CASZ1: variants seen among roughly 807,000 people sequenced by gnomAD.
CASZ1 encodes the protein castor zinc finger 1.
CASZ1 carries 28 observed loss-of-function variants against 135.2 expected under a neutral mutation model. The observed-to-expected ratio is 0.21, with a 90% CI of 0.15 to 0.28. The LOEUF (loss-of-function observed/expected upper bound fraction) is 0.28. Ranked by LOEUF, CASZ1 falls within the 10% of genes least tolerant of loss-of-function variation. CASZ1 has a pLI of 1.00. For missense variants in CASZ1, 2,161 were observed against 2,453.3 expected, an observed-to-expected ratio of 0.88 and a Z score of 2.52; for synonymous variants, 1,068 against 1,073.4, an observed-to-expected ratio of 0.99 and a Z score of 0.10.
At chr1:10,772,107 G>C (rs1486226378) in intron 1 of CASZ1, among the ~76,000 whole-genome samples, 1 of 152,238 alleles carries the variant, frequency 6.6e-6, no homozygotes, top group East Asian at 1.9e-4. Context: ...AGGAGACCTG[G>C]AGAGAAAGGA....
At position 10,644,145 on chromosome 1, in the gene CASZ1, G is replaced by T. The variant is rs1642293034; in HGVS notation, c.3868+772C>A. ...GCTGCCCTGACCACCAGGCCACAAC[G>T]GGCCTTGCCTGCAGCCCAGGGGCCT... On this transcript the variant is annotated intron_variant, in intron 18 of 20. Coordinates refer to ENST00000377022, the MANE Select transcript of CASZ1 (RefSeq NM_001079843.3). Among the ~76,000 whole-genome samples, 3 of 152,202 alleles carry T rather than the reference G, an allele frequency of 2.0e-5. No individual in the cohort carries two copies. The South Asian group carries it at 6.2e-4, about 31-fold the overall frequency.
At chr1:10,689,315 C>A (rs997900219) in intron 4 of CASZ1, among the ~76,000 whole-genome samples, 1 of 152,192 alleles carries the variant, frequency 6.6e-6, no homozygotes, top group East Asian at 1.9e-4. Flanking sequence ...GAGGAGATGC[C>A]GCTGCGTGGC....
intron 4 of CASZ1, among the ~76,000 whole-genome samples, chr1:10,672,794 G>T (rs1295396043): frequency 1.3e-5 from 2 of 152,248 alleles, no homozygotes; most frequent in African/African-American, 4.8e-5. Context: ...TCCAGGATGT[G>T]TGGGTGACAT....
chr1:10,662,854 C>G (rs1643095183), intron 5 of CASZ1, among the ~76,000 whole-genome samples: 1 of 152,216 alleles, frequency 6.6e-6, no homozygotes, highest in South Asian at 2.1e-4. Flanking sequence ...AACCCCTGCC[C>G]TGGGTCTCTC....
At position 10,639,210 on chromosome 1, in the gene CASZ1, C is replaced by G; in HGVS notation, c.5012G>C (p.Gly1671Ala). 1.1e-6 allele frequency: 1 copy of G among 939,956 alleles called. No individual in the cohort carries two copies. The highest frequency in any genetic ancestry group is 1.3e-6 in the Non-Finnish European group (1 of 781,878). 58.2% of individuals were successfully genotyped at this position (939,956 alleles called of 1,614,324 possible). A position where few individuals can be genotyped will look rare whatever the true frequency, so the allele number is the denominator to read the frequency against. The change falls in exon 21 of 21, where the codon GGG (glycine) becomes GCG (alanine). Residue 1671 changes from glycine to alanine, a missense_variant. Gly to Ala is a moderately conservative substitution (Grantham distance 60). Coordinates refer to ENST00000377022, the MANE Select transcript of CASZ1 (RefSeq NM_001079843.3). This position sits in a 1 kb window ranked among gnomAD's most constrained non-coding sequence, Gnocchi z 4.0. Reference sequence around the variant, plus strand: ...CTCCTCGTCCTCCTGCGAGGACTCCCCAGCTGCGGCGGCGGCGGCGGCGGC... The same window carrying G: ...CTCCTCGTCCTCCTGCGAGGACTCCGCAGCTGCGGCGGCGGCGGCGGCGGC... The part of the protein sequence containing the change: ...EGAAAAAAAA[G>A]ESSQEDEEEE...
At chr1:10,778,093 T>A (rs969105931) in intron 1 of CASZ1, among the ~76,000 whole-genome samples, 1 of 151,384 alleles carries the variant, frequency 6.6e-6, no homozygotes, top group Non-Finnish European at 1.5e-5. Flanking sequence ...AGTCACACCA[T>A]CTCACACAAT....
chr1:10,710,853 G>T (rs903380966), intron 2 of CASZ1, among the ~76,000 whole-genome samples: 2 of 152,256 alleles, frequency 1.3e-5, no homozygotes, highest in African/African-American at 4.8e-5. Flanking sequence ...GCTTACAAAA[G>T]GCCGGGGGCA....
At chr1:10,663,579 A>G (rs1643124859) in intron 5 of CASZ1, among the ~76,000 whole-genome samples, 2 of 152,220 alleles carry the variant, frequency 1.3e-5, no homozygotes, top group African/African-American at 2.4e-5. Flanking sequence ...CCCTCGCTAT[A>G]TATGGCAGAG....
At position 10,706,172 on chromosome 1, in the gene CASZ1, C is replaced by G. The variant is rs140633862; in HGVS notation, c.-76-628G>C. The stretch of plus-strand genomic sequence containing the variant: ...GTCATCACAGCCCATGTCCAGAGAC[C>G]GTGCAGGGAGAGGGACGATGGTCAG... On this transcript the variant is annotated intron_variant, in intron 2 of 20. Coordinates refer to ENST00000377022, the MANE Select transcript of CASZ1 (RefSeq NM_001079843.3). The surrounding 1 kb of genome is among the most constrained non-coding windows in gnomAD (Gnocchi z 4.3). 1.8e-3 allele frequency among the ~76,000 whole-genome samples: 269 copies of G among 152,342 alleles called. No homozygotes were observed. Among genetic ancestry groups the G allele is most frequent in the African/African-American group, 6.3e-3 (260 of 41,582 alleles).
In CASZ1 at chr1:10,646,447, G is replaced by T; in HGVS notation, c.3498-121C>A. Reference sequence around the variant, plus strand: ...ACCAGCGGTACCACCAAGAGGGATGGCCTGGGCTGCTGTCCTGCTCAACAG... The same window carrying T: ...ACCAGCGGTACCACCAAGAGGGATGTCCTGGGCTGCTGTCCTGCTCAACAG... On this transcript the variant is annotated intron_variant, in intron 16 of 20. Transcript: ENST00000377022. The surrounding 1 kb of genome is among the most constrained non-coding windows in gnomAD (Gnocchi z 6.4). The T allele has an allele frequency of 1.1e-6, 1 of 877,638 alleles. No individual in the cohort carries two copies. Among genetic ancestry groups the T allele is most frequent in the Non-Finnish European group, 1.8e-6 (1 of 551,906 alleles). The allele number at this position is 877,638 out of a possible 1,614,324, so 54.4% of individuals were successfully genotyped here.
chr1:10,698,974 C>T (rs561256369), intron 3 of CASZ1, among the ~76,000 whole-genome samples: 372 of 152,330 alleles, frequency 2.4e-3, no homozygotes, highest in South Asian at 0.011. Context: ...ACTGGCTCTC[C>T]AGCCACTCAG....
Position 10,675,799 on chromosome 1 carries a change from C to CCA in CASZ1, c.17-10229_17-10228insTG, listed in dbSNP as rs1553130072. Among the ~76,000 whole-genome samples, 4 of 128,132 alleles carry CCA rather than the reference C, an allele frequency of 3.1e-5. No individual in the cohort carries two copies. The East Asian group carries it at 9.5e-4, about 30-fold the overall frequency. 84.1% of individuals were successfully genotyped at this position (128,132 alleles called of 152,430 possible). On this transcript the variant is annotated intron_variant, in intron 4 of 20. Transcript: ENST00000377022. The stretch of plus-strand genomic sequence containing the variant: ...CAGCCAGCCTAGCACATGACCCCCC[C>CCA]CCCACCCCCAACAAAGGGAGAAAGT...
chr1:10,697,880 G>A lies in CASZ1; in HGVS notation c.-23-3968C>T, dbSNP rs1557516155. Among the ~76,000 whole-genome samples the A allele has an allele frequency of 1.3e-5, 2 of 152,272 alleles. No individual in the cohort carries two copies. The highest frequency in any genetic ancestry group is 4.8e-5 in the African/African-American group (2 of 41,476). On this transcript the variant is annotated intron_variant, in intron 3 of 20. Coordinates refer to ENST00000377022, the MANE Select transcript of CASZ1 (RefSeq NM_001079843.3). This position sits in a 1 kb window ranked among gnomAD's most constrained non-coding sequence, Gnocchi z 4.7. ...TGTTCGCACCTGCGAGGGAGTCCGT[G>A]TGTTTGCGTGTGAGCCCGCTCCGGG...
At chr1:10,728,698 C>G (rs1639640318) in intron 2 of CASZ1, among the ~76,000 whole-genome samples, 1 of 151,992 alleles carries the variant, frequency 6.6e-6, no homozygotes, top group Admixed American at 6.6e-5. Flanking sequence ...TGAAAAAAAG[C>G]CTCGTTAGTT....
chr1:10,700,064 GAGAA>G lies in CASZ1; in HGVS notation c.-24+5424_-24+5427del, dbSNP rs1217275468. On this transcript the variant is annotated intron_variant, in intron 3 of 20. Transcript: ENST00000377022. The surrounding 1 kb of genome is among the most constrained non-coding windows in gnomAD (Gnocchi z 4.2). ...AGAGAGAGAGAAAGAGAGACAGAGA[GAGAA>G]AGAGAGATAGAGACACACACACACA... is the stretch of plus-strand genomic sequence containing the variant. Among the ~76,000 whole-genome samples the G allele has an allele frequency of 2.1e-4, 23 of 111,168 alleles. No individual in the cohort carries two copies. The highest frequency in any genetic ancestry group is 5.4e-4 in the African/African-American group (14 of 25,698). The allele number at this position is 111,168 out of a possible 152,430, so 72.9% of individuals were successfully genotyped here. A position where few individuals can be genotyped will look rare whatever the true frequency, so the allele number is the denominator to read the frequency against.
In CASZ1 at chr1:10,757,834, G is replaced by A. The variant is rs551836442; in HGVS notation, c.-77+2867C>T. On this transcript the variant is annotated intron_variant, in intron 2 of 20. Coordinates refer to ENST00000377022, the MANE Select transcript of CASZ1 (RefSeq NM_001079843.3). The surrounding 1 kb of genome is among the most constrained non-coding windows in gnomAD (Gnocchi z 4.6). ...AAACCATCACATCACTTTACCTCTGGCTCAAAACCCTCCAGCGGCTTCCTA... is the reference window on the plus strand; with the variant it reads ...AAACCATCACATCACTTTACCTCTGACTCAAAACCCTCCAGCGGCTTCCTA... Among the ~76,000 whole-genome samples the A allele has an allele frequency of 2.6e-5, 4 of 151,878 alleles. No individual in the cohort carries two copies. The highest frequency in any genetic ancestry group is 5.9e-5 in the Non-Finnish European group (4 of 67,976).
At chr1:10,795,600 C>T (rs1417753893) in intron 1 of CASZ1, among the ~76,000 whole-genome samples, 1 of 152,184 alleles carries the variant, frequency 6.6e-6, no homozygotes, top group East Asian at 1.9e-4. Flanking sequence ...ACAACTCGCC[C>T]GAACTTTCCC....
At chr1:10,758,305 G>A (rs559779856) in intron 2 of CASZ1, among the ~76,000 whole-genome samples, 32 of 146,636 alleles carry the variant, frequency 2.2e-4, no homozygotes, top group Admixed American at 1.9e-3. Context: ...ACTGACAGAC[G>A]CCAGACCCTC....
chr1:10,723,001 C>T (rs999739408), intron 2 of CASZ1, among the ~76,000 whole-genome samples: 2 of 152,268 alleles, frequency 1.3e-5, no homozygotes, highest in African/African-American at 4.8e-5. Context: ...CTGCGCTCAC[C>T]TGATGTGCGC....
Sources: allele counts gnomAD v4.1 joint callset (sites outside exome capture counted in the v4.1 genomes callset), GRCh38; gene constraint gnomAD v4.1.1; non-coding constraint Gnocchi (gnomAD v3.1); transcripts MANE v1.5; gene names NCBI Gene and HGNC (gene_info 2026-07-23, HGNC 2026-07-21).